Variants in RAB40B observed in about 807,000 individuals in gnomAD.
The protein encoded by RAB40B is ras-related protein Rab-40B.
Under a neutral mutation model 24.0 loss-of-function variants are expected in RAB40B, and 21 were observed. The ratio of observed to expected loss-of-function variants is 0.88; its 90% CI spans 0.62 to 1.26. The LOEUF is 1.26. Among genes scored for constraint, RAB40B ranks in the 50% most tolerant of loss-of-function variants. RAB40B has a pLI of 0.00. For missense variants in RAB40B, 348 were observed against 390.5 expected (o/e 0.89, Z 0.92); for synonymous variants, 167 against 169.8 (o/e 0.98, Z 0.13).
rs148357057 is a variant in RAB40B, at chr17:82,678,801, C to T, written c.143-14245G>A. Among the ~76,000 whole-genome samples, 545 of 152,064 alleles carry T rather than the reference C, an allele frequency of 3.6e-3. 6 individuals carry two copies. The highest frequency in any genetic ancestry group is 0.013 in the African/African-American group (522 of 41,444). On this transcript the variant is annotated intron_variant, in intron 1 of 5. Coordinates refer to ENST00000571995, the MANE Select transcript of RAB40B (RefSeq NM_006822.3). ...GCTGCAGTGTGGTGGTGATTCAACG[C>T]CGCTTTACACCTGCACCGTAAAATG... is the stretch of plus-strand genomic sequence containing the variant.
intron 1 of RAB40B, among the ~76,000 whole-genome samples, chr17:82,684,466 C>T (rs2046477326): frequency 6.6e-6 from 1 of 152,122 alleles, no homozygotes; most frequent in Admixed American, 6.5e-5. Flanking sequence ...AACAAGTTCG[C>T]ACAAAAACGA....
chr17:82,689,130 C>T (rs144871735), intron 1 of RAB40B, among the ~76,000 whole-genome samples: 1 of 152,252 alleles, frequency 6.6e-6, no homozygotes, highest in African/African-American at 2.4e-5. Context: ...CCAGCACATA[C>T]CAGCTGATTC....
Position 82,698,501 on chromosome 17 carries a change from C to A in RAB40B, c.96G>T (p.Ala32=). The change falls in exon 1 of 6, where the codon GCG becomes GCT. Residue 32 remains alanine (A), a synonymous_variant. Coordinates refer to ENST00000571995, the MANE Select transcript of RAB40B (RefSeq NM_006822.3). The part of the protein sequence containing the change: ...DSDVGKGEIL[A]SLQDGAAESP... ...ACTCGGCCGCGCCATCCTGCAGGCT[C>A]GCCAGGATCTCGCCCTTGCCCACGT... 1 of 1,516,994 alleles carries A rather than the reference C, an allele frequency of 6.6e-7. No individual in the cohort carries two copies. Among genetic ancestry groups the A allele is most frequent in the Non-Finnish European group, 8.9e-7 (1 of 1,126,706 alleles). 94.0% of individuals were successfully genotyped at this position (1,516,994 alleles called of 1,614,324 possible). A position where few individuals can be genotyped will look rare whatever the true frequency, so the allele number is the denominator to read the frequency against.
chr17:82,658,271 C>G, intron 5 of RAB40B, 137 bp from the exon 6 acceptor site: 4 of 1,256,244 alleles, frequency 3.2e-6, no homozygotes, highest in Non-Finnish European at 3.3e-6. Context: ...GCAGCAAGCC[C>G]TGCCGCGACG....
intron 1 of RAB40B, 116 bp downstream of exon 1, chr17:82,698,339 A>G: frequency 5.3e-6 from 3 of 567,492 alleles, no homozygotes; most frequent in Non-Finnish European, 4.4e-6. Context: ...CCTCTTCCCG[A>G]CCCCTGCCCG....
At position 82,692,225 on chromosome 17, in the gene RAB40B, C is replaced by T. The variant is rs542360550; in HGVS notation, c.142+6230G>A. 1.3e-3 allele frequency among the ~76,000 whole-genome samples: 196 copies of T among 146,946 alleles called. 2 individuals carry two copies. Among genetic ancestry groups the T allele is most frequent in the African/African-American group, 4.8e-3 (190 of 39,396 alleles). Reference sequence around the variant, plus strand: ...AGGTGACAGGCAGAGCAGTGGGGCCCGCACGGTCCGTGGGCTGAGGTGACA... The same window carrying T: ...AGGTGACAGGCAGAGCAGTGGGGCCTGCACGGTCCGTGGGCTGAGGTGACA... On this transcript the variant is annotated intron_variant, in intron 1 of 5. Coordinates refer to ENST00000571995, the MANE Select transcript of RAB40B (RefSeq NM_006822.3). This position sits in a 1 kb window ranked among gnomAD's most constrained non-coding sequence, Gnocchi z 4.0.
At chr17:82,662,800 G>C (rs774947726) in intron 2 of RAB40B, 1 of 985,434 alleles carries the variant, frequency 1.0e-6, no homozygotes, top group Non-Finnish European at 1.2e-6. Flanking sequence ...GGGCAGCTGG[G>C]GTCAGGGAGG....
At chr17:82,681,775 GA>G (rs1454601407) in intron 1 of RAB40B, among the ~76,000 whole-genome samples, 1 of 151,856 alleles carries the variant, frequency 6.6e-6, no homozygotes, top group African/African-American at 2.4e-5. Flanking sequence ...AATCAAAAAA[GA>G]AAAACCCACA....
chr17:82,677,333 C>T (rs1007458750), intron 1 of RAB40B, among the ~76,000 whole-genome samples: 2 of 152,226 alleles, frequency 1.3e-5, no homozygotes, highest in African/African-American at 2.4e-5. Context: ...GTCCCAGGTT[C>T]TCAGCCCATC....
chr17:82,689,095 C>A (rs538155471), intron 1 of RAB40B, among the ~76,000 whole-genome samples: 3 of 152,258 alleles, frequency 2.0e-5, no homozygotes, highest in East Asian at 1.9e-4. Flanking sequence ...TTAAAAACAT[C>A]TCTGAATGTG....
Position 82,697,192 on chromosome 17 carries a change from G to C in RAB40B, c.142+1263C>G, listed in dbSNP as rs550698972. ...TTCCTCACCCCGTCCCCTAAGCTGA[G>C]GTGTGGCCGGGCACCTGAGTCCCAC... On this transcript the variant is annotated intron_variant, in intron 1 of 5. Coordinates refer to ENST00000571995, the MANE Select transcript of RAB40B (RefSeq NM_006822.3). The surrounding 1 kb of genome is among the most constrained non-coding windows in gnomAD (Gnocchi z 4.9). 6.6e-6 allele frequency among the ~76,000 whole-genome samples: 1 copy of C among 152,136 alleles called. No homozygotes were observed. The highest frequency in any genetic ancestry group is 6.6e-5 in the Admixed American group (1 of 15,262).
intron 1 of RAB40B, among the ~76,000 whole-genome samples, chr17:82,668,762 C>T (rs925601601): frequency 5.3e-5 from 8 of 152,228 alleles, no homozygotes; most frequent in East Asian, 1.9e-4. Flanking sequence ...CAGAGACGCC[C>T]GCGTCTAGAG....
At chr17:82,696,534 C>T (rs2046611158) in intron 1 of RAB40B, 1 of 161,152 alleles carries the variant, frequency 6.2e-6, no homozygotes, top group Non-Finnish European at 1.4e-5. Context: ...AGCCCAGACC[C>T]CGAGGGCACA....
chr17:82,657,538 G>T lies in RAB40B; in HGVS notation c.*325C>A. 1 of 418,470 alleles carries T rather than the reference G, an allele frequency of 2.4e-6. No individual in the cohort carries two copies. Among genetic ancestry groups the T allele is most frequent in the Non-Finnish European group, 4.5e-6 (1 of 220,780 alleles). The allele number at this position is 418,470 out of a possible 1,614,324, so 25.9% of individuals were successfully genotyped here. A position where few individuals can be genotyped will look rare whatever the true frequency, so the allele number is the denominator to read the frequency against. On this transcript the variant is annotated 3_prime_UTR_variant, in exon 6 of 6. Transcript: ENST00000571995. ...TTATACTAATCACTCCAATATCACC[G>T]TTCTTACAAAAGCAGTTATTTTAAG...
chr17:82,678,905 CGG>C (rs2046421755), intron 1 of RAB40B, among the ~76,000 whole-genome samples: 1 of 79,832 alleles, frequency 1.3e-5, no homozygotes, highest in Admixed American at 2.0e-4. Flanking sequence ...TTTTTTGAGA[CGG>C]AGTCTCGCTC....
In RAB40B at chr17:82,658,675, GCGGTTCCC is replaced by G. The variant is rs755767102; in HGVS notation, c.373_380del (p.Gly125ProfsTer27). On this transcript the variant is annotated frameshift_variant, in exon 5 of 6. Coordinates refer to ENST00000571995, the MANE Select transcript of RAB40B (RefSeq NM_006822.3). LOFTEE classifies it high-confidence loss of function. ...CCTGCCGCTTGAACGCCAGGTGCAG[GCGGTTCCC>G]CACCAGGATCTTGGGGACTCCGGGG... The G allele has an allele frequency of 1.9e-6, 3 of 1,613,066 alleles. No homozygotes were observed. The African/African-American group carries it at 4.0e-5, about 21-fold the overall frequency.
rs2046628129 is a variant in RAB40B at position 82,697,932 on chromosome 17, C to T, written c.142+523G>A. 6.6e-6 allele frequency among the ~76,000 whole-genome samples: 1 copy of T among 152,146 alleles called. No individual in the cohort carries two copies. The highest frequency in any genetic ancestry group is 1.5e-5 in the Non-Finnish European group (1 of 67,998). ...TGGCCTCGGGACCGGACCCTGGTCTCCCCTCCCCTCCGACCCACGCGCAGA... is the reference window on the plus strand; with the variant it reads ...TGGCCTCGGGACCGGACCCTGGTCTTCCCTCCCCTCCGACCCACGCGCAGA... On this transcript the variant is annotated intron_variant, in intron 1 of 5. Coordinates refer to ENST00000571995, the MANE Select transcript of RAB40B (RefSeq NM_006822.3). The surrounding 1 kb of genome is among the most constrained non-coding windows in gnomAD (Gnocchi z 4.9).
intron 1 of RAB40B, among the ~76,000 whole-genome samples, chr17:82,683,099 T>A (rs1228559707): frequency 6.6e-6 from 1 of 152,178 alleles, no homozygotes; most frequent in African/African-American, 2.4e-5. Flanking sequence ...GCCGAGATCA[T>A]GCCACTGCAT....
chr17:82,665,236 AC>A (rs967789212), intron 1 of RAB40B, among the ~76,000 whole-genome samples: 1 of 145,730 alleles, frequency 6.9e-6, no homozygotes, highest in African/African-American at 2.5e-5. Context: ...CAAAAAAAAA[AC>A]CCGAGAATGC....
Sources: gnomAD v4.1 joint callset for allele counts (sites outside exome capture counted in the v4.1 genomes callset) on GRCh38, gnomAD v4.1.1 for gene constraint, Gnocchi (gnomAD v3.1) non-coding constraint, MANE v1.5 for transcripts, NCBI Gene and HGNC (gene_info 2026-07-23, HGNC 2026-07-21) for gene names.